The following RCL1 variants were observed in gnomAD, a reference collection of about 807,000 sequenced individuals.
RCL1 encodes RNA 3'-terminal phosphate cyclase-like protein.
RCL1 carries 24 observed loss-of-function variants against 42.4 expected under a neutral mutation model. The observed-to-expected ratio is 0.57, with a 90% CI of 0.41 to 0.80. The LOEUF is 0.80. Ranked by LOEUF, RCL1 falls within the 30% of genes least tolerant of loss-of-function variation. RCL1 has a pLI of 0.00. For missense variants in RCL1, 578 were observed against 467.9 expected, an observed-to-expected ratio of 1.24 and a Z score of -2.17; for synonymous variants, 228 against 177.3, an observed-to-expected ratio of 1.29 and a Z score of -2.27.
chr9:4,826,403 C>A (rs137874940), intron 2 of RCL1, among the ~76,000 whole-genome samples: 2 of 152,122 alleles, frequency 1.3e-5, no homozygotes, highest in African/African-American at 2.4e-5. Flanking sequence ...AAAGTACTTG[C>A]CTTTTCTTGG....
Position 4,841,242 on chromosome 9 carries a change from C to T in RCL1, c.595C>T (p.Arg199Cys), listed in dbSNP as rs746671811. 36 of 1,613,842 alleles carry T rather than the reference C, an allele frequency of 2.2e-5. No homozygotes were observed. The Admixed American group carries it at 3.3e-4, about 15-fold the overall frequency. The change falls in exon 6 of 9, where the codon CGT (arginine) becomes TGT (cysteine). Residue 199 changes from arginine (R) to cysteine (C), a missense_variant. Transcript: ENST00000381750. ...AACTCCAGGCTGCAGGTACTCTGTA[C>T]GTGTGTCACCTCAGATGGCGAACCG... is the stretch of plus-strand genomic sequence containing the variant. ...KRIRGMAYSV[R>C]VSPQMANRIV...
chr9:4,860,347 G>C lies in RCL1; in HGVS notation c.*72G>C. On this transcript the variant is annotated 3_prime_UTR_variant, in exon 9 of 9. Transcript: ENST00000381750. ...CTGCCACGGACACCAATGGGACCAAGTCCAAATGGATTAATCCAGGACAGA... is the reference window on the plus strand; with the variant it reads ...CTGCCACGGACACCAATGGGACCAACTCCAAATGGATTAATCCAGGACAGA... 2.0e-6 allele frequency: 3 copies of C among 1,509,092 alleles called. No individual in the cohort carries two copies. The highest frequency in any genetic ancestry group is 1.8e-6 in the Non-Finnish European group (2 of 1,113,396). 93.5% of individuals were successfully genotyped at this position (1,509,092 alleles called of 1,614,324 possible).
intron 1 of RCL1, among the ~76,000 whole-genome samples, chr9:4,817,040 A>G (rs1391926106): frequency 6.6e-6 from 1 of 152,138 alleles, no homozygotes; most frequent in Non-Finnish European, 1.5e-5. Flanking sequence ...GATGGTCTCA[A>G]TCTCCTGACC....
intron 1 of RCL1, among the ~76,000 whole-genome samples, chr9:4,822,556 GACTGTAATCCCAGC>G (rs1328295344): frequency 6.6e-6 from 1 of 152,052 alleles, no homozygotes; most frequent in African/African-American, 2.4e-5. Context: ...GGTGGCTCAC[GACTGTAATCCCAGC>G]ACTTTGGGAG....
At chr9:4,807,763 C>T (rs1190031296) in intron 1 of RCL1, among the ~76,000 whole-genome samples, 1 of 152,204 alleles carries the variant, frequency 6.6e-6, no homozygotes, top group Non-Finnish European at 1.5e-5. Flanking sequence ...AGGTGATCCG[C>T]CTGCCTGAGC....
intron 1 of RCL1, among the ~76,000 whole-genome samples, chr9:4,808,308 T>C (rs1282226058): frequency 6.6e-6 from 1 of 152,144 alleles, no homozygotes; most frequent in Non-Finnish European, 1.5e-5. Flanking sequence ...TATTTTTTAA[T>C]TTTTTATTAT....
intron 1 of RCL1, among the ~76,000 whole-genome samples, chr9:4,796,386 T>C (rs1842914615): frequency 6.6e-6 from 1 of 152,188 alleles, no homozygotes. Flanking sequence ...TCTAGCTCCA[T>C]GTTGTTGCAA....
chr9:4,800,381 A>C (rs1210893142), intron 1 of RCL1, among the ~76,000 whole-genome samples: 1 of 150,716 alleles, frequency 6.6e-6, no homozygotes, highest in African/African-American at 2.4e-5. Flanking sequence ...TGCCCAGATA[A>C]TTTTTGTATT....
At chr9:4,850,298 C>T (rs762005781) in intron 8 of RCL1, 1 of 534,054 alleles carries the variant, frequency 1.9e-6, no homozygotes, top group Admixed American at 1.9e-5. Context: ...TGAGACTGAA[C>T]TGTCCTTTTT....
At chr9:4,803,691 GCCT>G (rs1178667061) in intron 1 of RCL1, 1 of 152,338 alleles carries the variant, frequency 6.6e-6, no homozygotes, top group Non-Finnish European at 1.5e-5. Context: ...TTCCCAGGTG[GCCT>G]CCTCTTCTCA....
chr9:4,853,351 T>C (rs1817819773), intron 8 of RCL1, among the ~76,000 whole-genome samples: 1 of 141,210 alleles, frequency 7.1e-6, no homozygotes, highest in South Asian at 2.3e-4. Flanking sequence ...TGAGACGGAG[T>C]CTCCTCTGTC....
intron 1 of RCL1, among the ~76,000 whole-genome samples, chr9:4,797,044 A>G (rs1026878340): frequency 2.0e-5 from 3 of 152,164 alleles, no homozygotes; most frequent in Non-Finnish European, 4.4e-5. Flanking sequence ...ATACTTGGCA[A>G]TTAAGAGCTT....
intron 8 of RCL1, among the ~76,000 whole-genome samples, chr9:4,850,655 G>C (rs987223690): frequency 6.6e-6 from 1 of 152,088 alleles, no homozygotes; most frequent in Non-Finnish European, 1.5e-5. Context: ...CGTAGGACAG[G>C]ATACCTAAAA....
At chr9:4,852,532 C>T (rs1027520681) in intron 8 of RCL1, among the ~76,000 whole-genome samples, 3 of 152,182 alleles carry the variant, frequency 2.0e-5, no homozygotes, top group Non-Finnish European at 2.9e-5. Context: ...TAAGGCTCTA[C>T]CACGCGCTAC....
At chr9:4,831,828 G>T (rs540427621) in intron 3 of RCL1, among the ~76,000 whole-genome samples, 13 of 152,342 alleles carry the variant, frequency 8.5e-5, no homozygotes, top group African/African-American at 2.4e-4. Flanking sequence ...TTTAGTTGGG[G>T]CTTCTTAGCC....
chr9:4,828,434 G>A (rs1816839500), intron 3 of RCL1, among the ~76,000 whole-genome samples: 1 of 151,946 alleles, frequency 6.6e-6, no homozygotes, highest in South Asian at 2.1e-4. Context: ...TCATTTCTTG[G>A]AAATTCAGCT....
In RCL1 at chr9:4,846,671, T is replaced by C. The variant is rs1817525536; in HGVS notation, c.867+1990T>C. Among the ~76,000 whole-genome samples, 3 of 152,140 alleles carry C rather than the reference T, an allele frequency of 2.0e-5. No homozygotes were observed. The South Asian group carries it at 6.2e-4, about 31-fold the overall frequency. On this transcript the variant is annotated intron_variant, in intron 7 of 8. Transcript: ENST00000381750. ...TGTCTGGCCGTGGCTGGTCCTGTAG[T>C]GGCCTTCTCTCTAACTATGGGGACA...
chr9:4,824,027 G>C (rs1816680132), intron 2 of RCL1, among the ~76,000 whole-genome samples: 1 of 152,154 alleles, frequency 6.6e-6, no homozygotes, highest in African/African-American at 2.4e-5. Context: ...AAGGAAGTTA[G>C]AAGACTGAAA....
chr9:4,831,532 AG>A (rs1816943689), intron 3 of RCL1, among the ~76,000 whole-genome samples: 1 of 152,168 alleles, frequency 6.6e-6, no homozygotes, highest in Non-Finnish European at 1.5e-5. Flanking sequence ...GCTGGAGTGC[AG>A]TGGCATGATC....
Sources: allele counts gnomAD v4.1 joint callset (sites outside exome capture counted in the v4.1 genomes callset), GRCh38; gene constraint gnomAD v4.1.1; transcripts MANE v1.5; gene names NCBI Gene and HGNC (gene_info 2026-07-23, HGNC 2026-07-21).